The following CCDC3 variants were observed in gnomAD, a reference collection of about 807,000 sequenced individuals.
The protein encoded by CCDC3 is coiled-coil domain-containing protein 3.
CCDC3 carries 24 observed loss-of-function variants against 21.4 expected under a neutral mutation model. The observed-to-expected ratio is 1.12, with a 90% confidence interval of 0.81 to 1.58. CCDC3 has a LOEUF of 1.58. CCDC3 is among the 40% of genes most tolerant of loss of function. The pLI is 0.00. For missense variants in CCDC3, 425 were observed against 360.9 expected (o/e 1.18, Z -1.44); for synonymous variants, 186 against 166.0 (o/e 1.12, Z -0.93).
chr10:12,941,006 G>T (rs1396864847), intron 2 of CCDC3, among the ~76,000 whole-genome samples: 1 of 152,180 alleles, frequency 6.6e-6, no homozygotes, highest in Non-Finnish European at 1.5e-5. Context: ...TTTGTGTAGA[G>T]GCTGGGTAAT....
chr10:12,932,303 G>A (rs989574855), intron 2 of CCDC3, among the ~76,000 whole-genome samples: 2 of 152,168 alleles, frequency 1.3e-5, no homozygotes, highest in Non-Finnish European at 2.9e-5. Flanking sequence ...CTAACATATT[G>A]AACATCATAG....
At chr10:12,953,750 C>G (rs1412508344) in intron 2 of CCDC3, among the ~76,000 whole-genome samples, 1 of 152,138 alleles carries the variant, frequency 6.6e-6, no homozygotes, top group Non-Finnish European at 1.5e-5. Context: ...GCTCAGAAGC[C>G]TTGATCACAG....
intron 2 of CCDC3, among the ~76,000 whole-genome samples, chr10:12,963,058 G>A (rs77928396): frequency 3.3e-5 from 5 of 152,240 alleles, no homozygotes; most frequent in African/African-American, 1.2e-4. Context: ...AAGAGACCTT[G>A]GCTGTTTTAA....
At chr10:12,909,080 G>C (rs938973580) in intron 2 of CCDC3, among the ~76,000 whole-genome samples, 5 of 152,176 alleles carry the variant, frequency 3.3e-5, no homozygotes, top group Non-Finnish European at 5.9e-5. Context: ...ATGGTCCTGT[G>C]AGTTACAGCA....
chr10:12,925,795 A>C (rs1027089169), intron 2 of CCDC3, among the ~76,000 whole-genome samples: 1 of 152,226 alleles, frequency 6.6e-6, no homozygotes, highest in African/African-American at 2.4e-5. Flanking sequence ...CTAACTCCAC[A>C]TCTCATGAAA....
At chr10:12,997,932 A>G (rs1835787544) in intron 2 of CCDC3, among the ~76,000 whole-genome samples, 1 of 152,210 alleles carries the variant, frequency 6.6e-6, no homozygotes, top group African/African-American at 2.4e-5. Context: ...AAAAAATTGC[A>G]GAAAAATCTC....
rs146650806 is a variant in CCDC3, at chr10:12,980,076, C to T, written c.549+18262G>A. ...TATGATGTTACATGAAAGGGTTCGA[C>T]TAGGCAATCTCCCGGGTCCCTTTCA... On this transcript the variant is annotated intron_variant, in intron 2 of 2. Coordinates refer to ENST00000378825, the MANE Select transcript of CCDC3 (RefSeq NM_031455.4). 2.5e-4 allele frequency among the ~76,000 whole-genome samples: 38 copies of T among 152,300 alleles called. 1 individual carries two copies. Among genetic ancestry groups the T allele is most frequent in the Middle Eastern group, 6.8e-3 (2 of 294 alleles).
chr10:13,070,232 G>A (rs1314557594), intron 4 of CCDC3, among the ~76,000 whole-genome samples: 2 of 152,192 alleles, frequency 1.3e-5, no homozygotes, highest in African/African-American at 4.8e-5. Context: ...AAAATTTGGA[G>A]TATATTTGTC....
upstream of CCDC3, among the ~76,000 whole-genome samples, chr10:13,006,255 G>T (rs550627058): frequency 6.6e-6 from 1 of 152,216 alleles, no homozygotes; most frequent in African/African-American, 2.4e-5. Flanking sequence ...AATGCAAACC[G>T]TTGCTGGCAA....
intron 5 of CCDC3, among the ~76,000 whole-genome samples, chr10:13,027,018 G>T (rs939877607): frequency 9.9e-5 from 15 of 152,086 alleles, no homozygotes; most frequent in African/African-American, 2.9e-4. Flanking sequence ...CCCAACCCTT[G>T]TGGTTTTGTC....
rs565173 is a variant in CCDC3, at chr10:13,048,339, G to A, written c.-2+1335C>T. ...CCCTAGTAGCAGGGACTACAGGTGC[G>A]CACCACCACACCTGGCTAATTTTTT... On this transcript the variant is annotated intron_variant, in intron 5 of 6. Coordinates refer to the CCDC3 transcript ENST00000378839. 2.4e-3 allele frequency among the ~76,000 whole-genome samples: 371 copies of A among 151,858 alleles called. 2 individuals carry two copies. The highest frequency in any genetic ancestry group is 7.6e-3 in the African/African-American group (315 of 41,426).
At chr10:13,079,536 C>T (rs542555132) in intron 3 of CCDC3, among the ~76,000 whole-genome samples, 8 of 150,832 alleles carry the variant, frequency 5.3e-5, no homozygotes, top group South Asian at 4.2e-4. Flanking sequence ...ACAGCAGGAG[C>T]GGTAAAGCAT....
At chr10:12,960,639 C>T (rs138559758) in intron 2 of CCDC3, among the ~76,000 whole-genome samples, 4 of 152,232 alleles carry the variant, frequency 2.6e-5, no homozygotes, top group African/African-American at 7.2e-5. Flanking sequence ...AAACAAAACA[C>T]GAGGTGGGGC....
chr10:13,034,687 A>G (rs1836353783), intron 5 of CCDC3, among the ~76,000 whole-genome samples: 2 of 147,536 alleles, frequency 1.4e-5, no homozygotes, highest in African/African-American at 2.5e-5. Context: ...ATGGAATCCA[A>G]TGTTCTCACT....
chr10:12,908,618 T>TTTC (rs1834215723), intron 2 of CCDC3, among the ~76,000 whole-genome samples: 2 of 151,560 alleles, frequency 1.3e-5, no homozygotes, highest in South Asian at 4.2e-4. Context: ...TTTTCTTTTT[T>TTTC]TTTTTTTTTG....
chr10:12,938,291 C>T (rs1245176547), intron 2 of CCDC3, among the ~76,000 whole-genome samples: 1 of 152,104 alleles, frequency 6.6e-6, no homozygotes, highest in Non-Finnish European at 1.5e-5. Context: ...TTTCTGATCA[C>T]CAGTCCACAC....
At chr10:12,977,004 T>C (rs1334194604) in intron 2 of CCDC3, among the ~76,000 whole-genome samples, 1 of 152,224 alleles carries the variant, frequency 6.6e-6, no homozygotes, top group Non-Finnish European at 1.5e-5. Flanking sequence ...CCGAGTGCAG[T>C]GGCTCACGCC....
At chr10:12,983,130 GTATATA>G (rs57120940) in intron 2 of CCDC3, among the ~76,000 whole-genome samples, 4 of 29,070 alleles carry the variant, frequency 1.4e-4, no homozygotes, top group African/African-American at 5.9e-4. Context: ...ATAAAATAGT[GTATATA>G]TATATATATA....
chr10:13,031,378 C>A (rs1836298386), intron 5 of CCDC3, among the ~76,000 whole-genome samples: 2 of 151,808 alleles, frequency 1.3e-5, no homozygotes, highest in African/African-American at 2.4e-5. Context: ...CACTAAATGC[C>A]CACAAAAGAA....
Sources: gnomAD v4.1 joint callset for allele counts (sites outside exome capture counted in the v4.1 genomes callset) on GRCh38, gnomAD v4.1.1 for gene constraint, MANE v1.5 for transcripts, NCBI Gene and HGNC (gene_info 2026-07-23, HGNC 2026-07-21) for gene names.